Variants in PRPSAP1 observed in about 807,000 individuals in gnomAD.
PRPSAP1 encodes the protein phosphoribosyl pyrophosphate synthase-associated protein 1.
A neutral mutation model predicts 39.4 loss-of-function variants in PRPSAP1; 31 were observed. The ratio of observed to expected loss-of-function variants is 0.79; its 90% confidence interval spans 0.59 to 1.06. The LOEUF is 1.06. Among genes scored for constraint, PRPSAP1 ranks in the 50% least tolerant of loss-of-function variants. The pLI is 0.00. For missense variants in PRPSAP1, 430 were observed against 511.6 expected (o/e 0.84, Z 1.54); for synonymous variants, 212 against 192.6 (o/e 1.10, Z -0.83).
At chr17:76,330,516 T>G in intron 5 of PRPSAP1, 35 bp downstream of exon 5, 1 of 1,451,466 alleles carries the variant, frequency 6.9e-7, no homozygotes, top group East Asian at 2.3e-5. Flanking sequence ...AGATCTCTTT[T>G]GAGGACAATG....
At chr17:76,312,004 A>G (rs1024494260) in intron 9 of PRPSAP1, among the ~76,000 whole-genome samples, 2 of 152,190 alleles carry the variant, frequency 1.3e-5, no homozygotes, top group Admixed American at 6.5e-5. Context: ...CCTCAAGAGA[A>G]ATGCTCCTAG....
intron 7 of PRPSAP1, among the ~76,000 whole-genome samples, chr17:76,321,041 C>T (rs540844552): frequency 2.0e-5 from 3 of 152,210 alleles, no homozygotes; most frequent in South Asian, 4.1e-4. Flanking sequence ...CTTTGGCCTC[C>T]CAAAGTGTTG....
In PRPSAP1 at chr17:76,325,181, G is replaced by T. The variant is rs62086338; in HGVS notation, c.781+3536C>A. On this transcript the variant is annotated intron_variant, in intron 7 of 9. Transcript: ENST00000446526. ...TCCCAGCACTTTGGGAAGCCGAGGC[G>T]GGCGGATCATGAGGTCAGGAGATGG... Among the ~76,000 whole-genome samples the T allele has an allele frequency of 4.9e-3, 738 of 151,446 alleles. 4 individuals carry two copies. The highest frequency in any genetic ancestry group is 0.011 in the Admixed American group (161 of 15,186).
intron 7 of PRPSAP1, among the ~76,000 whole-genome samples, chr17:76,322,502 C>T (rs1488569269): frequency 6.6e-6 from 1 of 152,096 alleles, no homozygotes; most frequent in Non-Finnish European, 1.5e-5. Flanking sequence ...ATTCTGCAGC[C>T]CATTGAACAA....
intron 7 of PRPSAP1, among the ~76,000 whole-genome samples, chr17:76,325,627 C>G (rs1226569906): frequency 7.5e-6 from 1 of 133,396 alleles, no homozygotes; most frequent in Non-Finnish European, 1.6e-5. Context: ...GAGACAGAGT[C>G]TCGCTCTGTC....
intron 3 of PRPSAP1, among the ~76,000 whole-genome samples, chr17:76,341,588 T>C (rs2071439617): frequency 6.6e-6 from 1 of 152,198 alleles, no homozygotes; most frequent in Non-Finnish European, 1.5e-5. Flanking sequence ...ATTCTTTCGT[T>C]ATCACAAATT....
chr17:76,321,215 T>C (rs2071194442), intron 7 of PRPSAP1, among the ~76,000 whole-genome samples: 1 of 152,126 alleles, frequency 6.6e-6, no homozygotes, highest in African/African-American at 2.4e-5. Context: ...ATCTTGGATG[T>C]TACTATTCCA....
At chr17:76,313,731 T>C in intron 8 of PRPSAP1, 90 bp downstream of exon 8, 1 of 1,395,400 alleles carries the variant, frequency 7.2e-7, no homozygotes, top group Non-Finnish European at 1.0e-6. Flanking sequence ...ATTCGGATCA[T>C]CGTTCCTAGA....
chr17:76,318,265 T>C (rs1234490230), intron 7 of PRPSAP1, among the ~76,000 whole-genome samples: 11 of 152,066 alleles, frequency 7.2e-5, no homozygotes, highest in Non-Finnish European at 1.5e-4. Context: ...CTGGCCAAGA[T>C]GGTGAAACCC....
chr17:76,317,605 C>T (rs1598517705), intron 7 of PRPSAP1, among the ~76,000 whole-genome samples: 1 of 152,204 alleles, frequency 6.6e-6, no homozygotes, highest in Non-Finnish European at 1.5e-5. Flanking sequence ...AAGCTCATAA[C>T]CCCTATCTGC....
chr17:76,319,081 AG>A lies in PRPSAP1; in HGVS notation c.782-5191del, dbSNP rs145220309. Among the ~76,000 whole-genome samples, 826 of 152,192 alleles carry A rather than the reference AG, an allele frequency of 5.4e-3. 8 individuals are homozygous for A. Among genetic ancestry groups the A allele is most frequent in the African/African-American group, 0.019 (786 of 41,522 alleles). On this transcript the variant is annotated intron_variant, in intron 7 of 9. Transcript: ENST00000446526. ...CAGCCTCCCAAGTAGCTGGGATTACAGATGTGTGCCACCAGGCCTGGCTAAT... is the reference window on the plus strand; with the variant it reads ...CAGCCTCCCAAGTAGCTGGGATTACAATGTGTGCCACCAGGCCTGGCTAAT...
At chr17:76,340,154 A>G (rs553529612) in intron 3 of PRPSAP1, among the ~76,000 whole-genome samples, 2 of 150,764 alleles carry the variant, frequency 1.3e-5, no homozygotes, top group African/African-American at 4.9e-5. Flanking sequence ...TCAAAAAAAA[A>G]AAAAAAAAAA....
chr17:76,311,590 A>G lies in PRPSAP1; in HGVS notation c.1110T>C (p.Asn370=), dbSNP rs1280507255. The change falls in exon 10 of 10, where the codon AAT becomes AAC. Residue 370 remains asparagine, a synonymous_variant. Coordinates refer to ENST00000446526, the MANE Select transcript of PRPSAP1 (RefSeq NM_002766.3). ...ILSEAIRRIH[N]GESMAYLFRN... Reference sequence around the variant, plus strand: ...GGAAAAGGTAGGCCATGGACTCTCCATTGTGGATTCTCCGAATGGCTTCAG... The same window carrying G: ...GGAAAAGGTAGGCCATGGACTCTCCGTTGTGGATTCTCCGAATGGCTTCAG... 1.2e-6 allele frequency: 2 copies of G among 1,614,184 alleles called. No individual in the cohort carries two copies. Among genetic ancestry groups the G allele is most frequent in the Non-Finnish European group, 1.7e-6 (2 of 1,180,022 alleles).
At chr17:76,319,333 T>C (rs8079633) in intron 7 of PRPSAP1, 5,440 of 152,256 alleles carry the variant, frequency 0.036, 342 homozygotes, top group African/African-American at 0.12. Context: ...TAACTGAGCA[T>C]GTCCACCCTG....
chr17:76,346,011 G>T, intron 2 of PRPSAP1: 1 of 461,644 alleles, frequency 2.2e-6, no homozygotes, highest in Non-Finnish European at 4.3e-6. Context: ...AAGGGAAAAA[G>T]GAAAAAGCTG....
intron 3 of PRPSAP1, 84 bp downstream of exon 3, chr17:76,344,587 C>T (rs2071475877): frequency 5.0e-6 from 6 of 1,209,460 alleles, no homozygotes; most frequent in Non-Finnish European, 5.9e-6. Context: ...TTTAAAAACA[C>T]TAAGTTGTTG....
At chr17:76,316,174 TAAAAAAAAA>T (rs1377721818) in intron 7 of PRPSAP1, among the ~76,000 whole-genome samples, 3 of 73,526 alleles carry the variant, frequency 4.1e-5, no homozygotes, top group African/African-American at 1.3e-4. Flanking sequence ...AGACTCCGTC[TAAAAAAAAA>T]AAAAAAAAGA....
At chr17:76,345,610 A>G (rs1046655415) in intron 2 of PRPSAP1, among the ~76,000 whole-genome samples, 11 of 80,132 alleles carry the variant, frequency 1.4e-4, no homozygotes, top group Non-Finnish European at 2.0e-4. Flanking sequence ...TTGTCTGGAG[A>G]AAAAAAAAAA....
intron 2 of PRPSAP1, among the ~76,000 whole-genome samples, chr17:76,345,254 A>AAG (rs1491143520): frequency 7.5e-6 from 1 of 133,490 alleles, no homozygotes; most frequent in Admixed American, 7.7e-5. Context: ...AAAAAAAAAA[A>AAG]AGAGTTCTTC....
Sources: allele counts gnomAD v4.1 joint callset (sites outside exome capture counted in the v4.1 genomes callset), GRCh38; gene constraint gnomAD v4.1.1; transcripts MANE v1.5; gene names NCBI Gene and HGNC (gene_info 2026-07-23, HGNC 2026-07-21).